Variants in TMPRSS5 observed in about 807,000 individuals in gnomAD.
The protein encoded by TMPRSS5 is transmembrane serine protease 5, also known as transmembrane protease serine 5.
Under a neutral mutation model 59.7 loss-of-function variants are expected in TMPRSS5, and 45 were observed. The observed-to-expected ratio is 0.75, with a 90% confidence interval of 0.59 to 0.97. The LOEUF is 0.97. Among genes scored for constraint, TMPRSS5 ranks in the 50% least tolerant of loss-of-function variants. TMPRSS5 has a pLI of 0.00. For synonymous variants in TMPRSS5, 225 were observed against 232.0 expected (o/e 0.97, Z 0.27); for missense variants, 585 against 596.7 (o/e 0.98, Z 0.20).
At position 113,688,268 on chromosome 11, in the gene TMPRSS5, G is replaced by A. The variant is rs371877427; in HGVS notation, c.1366C>T (p.Leu456Phe). 2.5e-6 allele frequency: 4 copies of A among 1,578,916 alleles called. No homozygotes were observed. Among genetic ancestry groups the A allele is most frequent in the Non-Finnish European group, 3.4e-6 (4 of 1,161,802 alleles). ...DWIHDTAQDS[L>F]L ...GGAGGAAACAGCAGGACTCAGAGGA[G>A]GGAGTCCTAGACCAAAAGGGAAAGG... The change falls in exon 13 of 13, where the codon CTC (leucine) becomes TTC (phenylalanine). Residue 456 changes from leucine (L) to phenylalanine (F), a missense_variant. Transcript: ENST00000299882.
chr11:113,697,116 G>T lies in TMPRSS5; in HGVS notation c.465-145C>A, dbSNP rs1952950220. 3 of 1,236,412 alleles carry T rather than the reference G, an allele frequency of 2.4e-6. No individual in the cohort carries two copies. The African/African-American group carries it at 4.5e-5, about 18-fold the overall frequency. The allele number at this position is 1,236,412 out of a possible 1,614,324, so 76.6% of individuals were successfully genotyped here. On this transcript the variant is annotated intron_variant, in intron 5 of 12. Transcript: ENST00000299882. The stretch of plus-strand genomic sequence containing the variant: ...AAAAAGCAGTAATACTCCAAACAGA[G>T]AAATGGGCTGGGGCACCATTGTGCC...
intron 12 of TMPRSS5, 99 bp from the exon 13 acceptor site, chr11:113,688,373 T>G: frequency 1.2e-6 from 1 of 804,678 alleles, no homozygotes; most frequent in Non-Finnish European, 2.1e-6. Flanking sequence ...GGCCTTGATT[T>G]TCACTTCTAT....
chr11:113,699,532 T>G, intron 3 of TMPRSS5, 63 bp downstream of exon 3: 1 of 1,383,722 alleles, frequency 7.2e-7, no homozygotes, highest in South Asian at 1.3e-5. Flanking sequence ...CTTTAACACC[T>G]GCTCAGCACC....
chr11:113,705,773 G>A (rs952492208), intron 1 of TMPRSS5, among the ~76,000 whole-genome samples: 1 of 152,164 alleles, frequency 6.6e-6, no homozygotes, highest in African/African-American at 2.4e-5. Context: ...TCCAGGGCAT[G>A]GCCAGTCTTT....
chr11:113,704,697 A>C (rs762450491), intron 1 of TMPRSS5, among the ~76,000 whole-genome samples: 1 of 152,104 alleles, frequency 6.6e-6, no homozygotes, highest in Non-Finnish European at 1.5e-5. Context: ...GACTCAGCAC[A>C]GACATCACTT....
Position 113,694,560 on chromosome 11 carries a change from C to G in TMPRSS5, c.703G>C (p.Val235Leu), listed in dbSNP as rs757921252. 6.5e-7 allele frequency: 1 copy of G among 1,550,042 alleles called. No homozygotes were observed. Among genetic ancestry groups the G allele is most frequent in the South Asian group, 1.2e-5 (1 of 83,594 alleles). The change falls in exon 8 of 13, where the codon GTG becomes CTG. Residue 235 changes from valine (V) to leucine (L), a missense_variant. Val to Leu is a conservative substitution (Grantham distance 32). Transcript: ENST00000299882. Reference protein sequence around the residue: ...APGRWPWQASVALGFRHTCGG... With the variant: ...APGRWPWQASLALGFRHTCGG... ...CACGTGTGCCGGAAGCCCAGGGCCA[C>G]GCTGGCCTGCCACGGCCAGCGCCCA...
intron 11 of TMPRSS5, 144 bp downstream of exon 11, chr11:113,690,087 T>C: frequency 7.7e-7 from 1 of 1,294,326 alleles, no homozygotes; most frequent in Non-Finnish European, 1.1e-6. Flanking sequence ...GCTCCAGACT[T>C]GCCTAGGTGC....
chr11:113,705,785 C>G (rs143446491), intron 1 of TMPRSS5, among the ~76,000 whole-genome samples: 1 of 152,274 alleles, frequency 6.6e-6, no homozygotes. Flanking sequence ...CCAGTCTTTT[C>G]TTCTGCCTCA....
intron 1 of TMPRSS5, among the ~76,000 whole-genome samples, chr11:113,700,572 A>G (rs1953104334): frequency 6.6e-6 from 1 of 152,010 alleles, no homozygotes; most frequent in African/African-American, 2.4e-5. Context: ...CCCCTCCACC[A>G]TGCACCCACC....
At chr11:113,696,772 C>T in intron 6 of TMPRSS5, 86 bp downstream of exon 6, 2 of 876,888 alleles carry the variant, frequency 2.3e-6, no homozygotes, top group Non-Finnish European at 3.7e-6. Context: ...GTCCTCCCCA[C>T]CGGCATCCCA....
chr11:113,694,425 C>T (rs957755770), intron 8 of TMPRSS5, 53 bp downstream of exon 8: 50 of 1,539,702 alleles, frequency 3.2e-5, no homozygotes, highest in Admixed American at 2.4e-4. Context: ...TACCAACAGC[C>T]GAACAGAAAG....
At chr11:113,696,328 C>G (rs1011996608) in intron 6 of TMPRSS5, among the ~76,000 whole-genome samples, 1 of 152,192 alleles carries the variant, frequency 6.6e-6, no homozygotes, top group African/African-American at 2.4e-5. Flanking sequence ...AAACCATCCC[C>G]AGGATCTGGG....
At chr11:113,693,350 G>A (rs922987434) in intron 8 of TMPRSS5, 101 bp from the exon 9 acceptor site, 1 of 1,332,132 alleles carries the variant, frequency 7.5e-7, no homozygotes, top group Non-Finnish European at 9.9e-7. Flanking sequence ...GCCATTGGTG[G>A]GGGGGCCGTC....
chr11:113,688,453 A>G (rs1952665722), intron 12 of TMPRSS5, among the ~76,000 whole-genome samples, 179 bp from the exon 13 acceptor site: 1 of 152,180 alleles, frequency 6.6e-6, no homozygotes, highest in African/African-American at 2.4e-5. Context: ...CAATACATAC[A>G]TTCCCTGTAA....
rs778215155 is a variant in TMPRSS5 at position 113,697,295 on chromosome 11, AG to A, written c.451del (p.His153IlefsTer10). On this transcript the variant is annotated frameshift_variant, in exon 5 of 13. Coordinates refer to ENST00000299882, the MANE Select transcript of TMPRSS5 (RefSeq NM_030770.4). LOFTEE classifies it high-confidence loss of function. The stretch of plus-strand genomic sequence containing the variant: ...TAACTCCTGTTACCTGAGATGCCCA[AG>A]GCTCCAGCAGATCTGCAGCCCCAGG... ...PALGLQICWS[L>X]GHLRLTHHKG... The A allele has an allele frequency of 4.3e-5, 70 of 1,611,142 alleles. No individual in the cohort carries two copies. The highest frequency in any genetic ancestry group is 5.4e-5 in the Non-Finnish European group (64 of 1,178,008).
Position 113,693,078 on chromosome 11 carries a change from G to A in TMPRSS5, c.957C>T (p.Asn319=). The change falls in exon 9 of 13, where the codon AAC becomes AAT. Residue 319 remains asparagine (N), a synonymous_variant. Transcript: ENST00000299882. The part of the protein sequence containing the change: ...VALLRLQTAL[N]FSDTVGAVCL... ...CTCAAGCCAGTGCCGCACCTGAGAA[G>A]TTGAGAGCGGTCTGGAGCCTCAGGA... 1.3e-6 allele frequency: 2 copies of A among 1,555,570 alleles called. No homozygotes were observed. Among genetic ancestry groups the A allele is most frequent in the Non-Finnish European group, 1.7e-6 (2 of 1,148,414 alleles).
chr11:113,699,817 C>A, intron 2 of TMPRSS5, 124 bp from the exon 3 acceptor site: 1 of 1,390,240 alleles, frequency 7.2e-7, no homozygotes, highest in Non-Finnish European at 9.9e-7. Context: ...CCTCCTGCCC[C>A]ATCAGCCCAG....
chr11:113,690,363 C>T lies in TMPRSS5; in HGVS notation c.1074G>A (p.Ser358=), dbSNP rs745640138. Residue 358 remains serine (S), a synonymous_variant, in exon 11 of 13, where the codon TCG becomes TCA. Coordinates refer to ENST00000299882, the MANE Select transcript of TMPRSS5 (RefSeq NM_030770.4). The part of the protein sequence containing the change: ...GHTHPSHTYS[S]DMLQDTVVPL... The stretch of plus-strand genomic sequence containing the variant: ...GCACCACCGTGTCCTGGAGCATATC[C>T]GAGCTGTAAGCTATGAGAGACACCG... 6.9e-6 allele frequency: 11 copies of T among 1,605,340 alleles called. No individual in the cohort carries two copies. Among genetic ancestry groups the T allele is most frequent in the East Asian group, 4.5e-5 (2 of 44,632 alleles).
chr11:113,699,957 C>G, intron 2 of TMPRSS5, 109 bp downstream of exon 2: 2 of 1,541,392 alleles, frequency 1.3e-6, no homozygotes. Flanking sequence ...GAGACAGCCT[C>G]TCACCATCAA....
Sources: gnomAD v4.1 joint callset for allele counts (sites outside exome capture counted in the v4.1 genomes callset) on GRCh38, gnomAD v4.1.1 for gene constraint, MANE v1.5 for transcripts, NCBI Gene and HGNC (gene_info 2026-07-23, HGNC 2026-07-21) for gene names.